EMB: variants seen among roughly 807,000 people sequenced by gnomAD.
EMB encodes the protein embigin, also known as embigin homolog.
EMB carries 31 observed loss-of-function variants against 41.4 expected under a neutral mutation model. The ratio of observed to expected loss-of-function variants is 0.75; its 90% CI spans 0.56 to 1.01. EMB has a LOEUF of 1.01. Ranked by LOEUF, EMB falls within the 50% of genes least tolerant of loss-of-function variation. The probability of loss-of-function intolerance (pLI) is 0.00; values close to 1 mark genes in which losing one functional copy is unlikely to be tolerated. For missense variants in EMB, 379 were observed against 388.3 expected (o/e 0.98, Z 0.20); for synonymous variants, 137 against 140.4 (o/e 0.98, Z 0.17).
intron 4 of EMB, among the ~76,000 whole-genome samples, chr5:50,410,073 G>C (rs1321514064): frequency 2.6e-5 from 4 of 152,074 alleles, no homozygotes; most frequent in Admixed American, 6.6e-5. Flanking sequence ...TGTCACAGCA[G>C]ACAGTCGGGC....
chr5:50,437,640 T>A (rs1261766040), intron 1 of EMB, among the ~76,000 whole-genome samples: 4 of 151,596 alleles, frequency 2.6e-5, no homozygotes, highest in African/African-American at 9.7e-5. Context: ...AGGTAAAAAC[T>A]GCCAGCATGT....
At chr5:50,408,457 T>A (rs1027510717) in intron 4 of EMB, among the ~76,000 whole-genome samples, 4 of 152,030 alleles carry the variant, frequency 2.6e-5, no homozygotes, top group African/African-American at 9.7e-5. Context: ...CAGCAGGTTT[T>A]TGTGCATTGA....
chr5:50,430,635 C>A (rs1289926415), intron 1 of EMB, among the ~76,000 whole-genome samples: 1 of 151,934 alleles, frequency 6.6e-6, no homozygotes. Flanking sequence ...TCGAGCAGCA[C>A]CCATTAATGC....
chr5:50,438,926 A>C (rs1579747905), intron 1 of EMB, among the ~76,000 whole-genome samples: 1 of 148,418 alleles, frequency 6.7e-6, no homozygotes, highest in African/African-American at 2.5e-5. Flanking sequence ...TTTCCTTTAG[A>C]GATCTTCTCT....
chr5:50,403,598 T>C, intron 5 of EMB, 144 bp from the exon 6 acceptor site: 1 of 866,636 alleles, frequency 1.2e-6, no homozygotes, highest in South Asian at 1.8e-5. Context: ...AGGTTATCTA[T>C]AACAGACTTA....
chr5:50,406,002 A>C, intron 4 of EMB, 150 bp from the exon 5 acceptor site: 1 of 1,161,196 alleles, frequency 8.6e-7, no homozygotes, highest in South Asian at 1.9e-5. Context: ...TATAGTAGTT[A>C]GGGTGTAGTT....
chr5:50,417,168 A>T (rs1042199645), intron 2 of EMB, among the ~76,000 whole-genome samples: 1 of 152,208 alleles, frequency 6.6e-6, no homozygotes, highest in African/African-American at 2.4e-5. Flanking sequence ...TCACCATAAA[A>T]GTCAATAAAG....
At chr5:50,436,201 G>A (rs185114437) in intron 1 of EMB, among the ~76,000 whole-genome samples, 10 of 152,110 alleles carry the variant, frequency 6.6e-5, no homozygotes, top group Non-Finnish European at 8.8e-5. Flanking sequence ...TGCATGATAC[G>A]TATTCATCAT....
upstream of EMB, among the ~76,000 whole-genome samples, chr5:50,442,424 C>T (rs1265746453): frequency 2.0e-5 from 3 of 152,018 alleles, no homozygotes; most frequent in African/African-American, 7.3e-5. Flanking sequence ...ACAATTCATT[C>T]AACAATATTA....
At chr5:50,427,931 A>T (rs1745646684) in intron 2 of EMB, among the ~76,000 whole-genome samples, 1 of 152,180 alleles carries the variant, frequency 6.6e-6, no homozygotes, top group African/African-American at 2.4e-5. Context: ...AGCCATTCTT[A>T]GCCTTGGCAT....
intron 5 of EMB, among the ~76,000 whole-genome samples, chr5:50,405,126 C>T (rs1235358784): frequency 6.6e-6 from 1 of 151,868 alleles, no homozygotes; most frequent in African/African-American, 2.4e-5. Context: ...ATAAAATACT[C>T]ATGTTTTTCT....
chr5:50,429,968 TTCTC>T (rs780667856), intron 1 of EMB, among the ~76,000 whole-genome samples: 6,022 of 61,740 alleles, frequency 0.098, 152 homozygotes, highest in Admixed American at 0.13. Context: ...CCAACTCTCT[TTCTC>T]TCTCTCTCTC....
chr5:50,430,473 T>C (rs1203303727), intron 1 of EMB, among the ~76,000 whole-genome samples: 1 of 152,138 alleles, frequency 6.6e-6, no homozygotes, highest in African/African-American at 2.4e-5. Context: ...TTATTCCTAT[T>C]CCACTTAAGT....
chr5:50,403,997 G>C lies in EMB; in HGVS notation c.601-543C>G, dbSNP rs150807419. ...TGGAGGGGACCCTCTGTGAGCCTGG[G>C]ATCCGAAGTGAACTGCACACCTTCT... is the stretch of plus-strand genomic sequence containing the variant. On this transcript the variant is annotated intron_variant, in intron 5 of 8. Coordinates refer to ENST00000303221, the MANE Select transcript of EMB (RefSeq NM_198449.3). Among the ~76,000 whole-genome samples the C allele has an allele frequency of 7.1e-3, 1,079 of 151,962 alleles. 12 individuals carry two copies. Among genetic ancestry groups the C allele is most frequent in the African/African-American group, 0.025 (1,044 of 41,506 alleles).
chr5:50,401,972 G>A (rs1222817492), intron 7 of EMB, among the ~76,000 whole-genome samples: 2 of 151,864 alleles, frequency 1.3e-5, no homozygotes, highest in African/African-American at 4.8e-5. Context: ...CACCTTCTGT[G>A]CACCATAACC....
At chr5:50,431,496 G>C (rs1440782123) in intron 1 of EMB, among the ~76,000 whole-genome samples, 2 of 152,160 alleles carry the variant, frequency 1.3e-5, no homozygotes, top group Non-Finnish European at 2.9e-5. Flanking sequence ...ATAAAATGGA[G>C]AGGAAGGAAT....
At chr5:50,438,903 CTTTT>C (rs747192110) in intron 1 of EMB, among the ~76,000 whole-genome samples, 2 of 140,826 alleles carry the variant, frequency 1.4e-5, no homozygotes, top group Admixed American at 7.1e-5. Context: ...TGTTTCCTAC[CTTTT>C]TTTTTTTTTT....
intron 2 of EMB, among the ~76,000 whole-genome samples, chr5:50,425,608 G>T (rs1397017934): frequency 6.6e-6 from 1 of 152,068 alleles, no homozygotes; most frequent in East Asian, 1.9e-4. Context: ...ATTACCAAAA[G>T]ATCTGTTTTA....
At chr5:50,419,446 G>A (rs1215770080) in intron 2 of EMB, among the ~76,000 whole-genome samples, 1 of 151,642 alleles carries the variant, frequency 6.6e-6, no homozygotes, top group Non-Finnish European at 1.5e-5. Flanking sequence ...ATTTTGAAAT[G>A]GATTATTCTA....
Sources: allele counts gnomAD v4.1 joint callset (sites outside exome capture counted in the v4.1 genomes callset), GRCh38; gene constraint gnomAD v4.1.1; transcripts MANE v1.5; gene names NCBI Gene and HGNC (gene_info 2026-07-23, HGNC 2026-07-21).